The following MOB4 variants were observed in gnomAD, a reference collection of about 807,000 sequenced individuals.
MOB4 encodes the protein MOB family member 4, phocein.
A neutral mutation model predicts 32.2 loss-of-function variants in MOB4; 4 were observed. That is an observed-to-expected ratio of 0.12 (90% confidence interval 0.06 to 0.28). MOB4 has a LOEUF of 0.28. Ranked by LOEUF, MOB4 falls within the 10% of genes least tolerant of loss-of-function variation. The pLI is 1.00. For missense variants in MOB4, 158 were observed against 271.2 expected, an observed-to-expected ratio of 0.58 and a Z score of 2.93; for synonymous variants, 88 against 88.1, an observed-to-expected ratio of 1.00 and a Z score of 0.01.
chr2:197,517,346 A>G (rs2086432757), intron 1 of MOB4, among the ~76,000 whole-genome samples: 1 of 152,200 alleles, frequency 6.6e-6, no homozygotes, highest in South Asian at 2.1e-4. Context: ...AGTTATTCCT[A>G]CTGACAGTTT....
At chr2:197,540,976 G>A (rs558058394) in intron 5 of MOB4, among the ~76,000 whole-genome samples, 9 of 151,008 alleles carry the variant, frequency 6.0e-5, no homozygotes, top group Middle Eastern at 3.4e-3. Flanking sequence ...ATCTCGGTTC[G>A]CTGCAACCTC....
chr2:197,540,423 A>G lies in MOB4; in HGVS notation c.340A>G (p.Lys114Glu). ...EQWIFLCAAH[K>E]TPKECPAIDY... is the part of the protein sequence containing the mutation. ...ATGGATTTTTCTTTGTGCAGCTCAT[A>G]AAACTCCAAAAGAGGTGAGGATTTA... The change falls in exon 5 of 8, where the codon AAA becomes GAA. Residue 114 changes from lysine to glutamate, a missense_variant. Transcript: ENST00000323303. 1 of 1,587,176 alleles carries G rather than the reference A, an allele frequency of 6.3e-7. No individual in the cohort carries two copies. Among genetic ancestry groups the G allele is most frequent in the Non-Finnish European group, 8.5e-7 (1 of 1,171,022 alleles).
chr2:197,519,010 G>A (rs2086467643), intron 1 of MOB4, among the ~76,000 whole-genome samples: 3 of 151,666 alleles, frequency 2.0e-5, no homozygotes, highest in Admixed American at 6.6e-5. Context: ...CGCCCGTCTC[G>A]GCCTCTGAAA....
Position 197,520,324 on chromosome 2 carries a change from A to G in MOB4, c.61-3300A>G, listed in dbSNP as rs541608954. ...TGGCTAATTTTTTGTATTTTTTCAT[A>G]GAGATGGGGTTTCACCGTGTTAGCC... On this transcript the variant is annotated intron_variant, in intron 1 of 7. Transcript: ENST00000323303. 4.6e-5 allele frequency among the ~76,000 whole-genome samples: 7 copies of G among 151,796 alleles called. No individual in the cohort carries two copies. In the South Asian group the frequency reaches 1.0e-3, roughly 23 times the overall value.
intron 6 of MOB4, 91 bp from the exon 7 acceptor site, chr2:197,550,184 A>C: frequency 1.7e-6 from 2 of 1,209,954 alleles, no homozygotes; most frequent in South Asian, 3.6e-5. Context: ...CCTAGGTGTC[A>C]GTTTCTACAC....
At chr2:197,519,046 C>T (rs2086468372) in intron 1 of MOB4, among the ~76,000 whole-genome samples, 1 of 151,606 alleles carries the variant, frequency 6.6e-6, no homozygotes, top group South Asian at 2.1e-4. Flanking sequence ...GCATGAGCCA[C>T]TGCGCCCAGC....
intron 2 of MOB4, among the ~76,000 whole-genome samples, chr2:197,526,776 G>T (rs764099772): frequency 5.1e-4 from 77 of 152,072 alleles, no homozygotes; most frequent in African/African-American, 2.2e-4. Flanking sequence ...TTATTGAATG[G>T]TCTCAGCAGC....
chr2:197,542,888 C>T lies in MOB4; in HGVS notation c.354+2451C>T, dbSNP rs574512718. 1.6e-4 allele frequency among the ~76,000 whole-genome samples: 25 copies of T among 152,188 alleles called. No homozygotes were observed. The South Asian group carries it at 4.8e-3, about 29-fold the overall frequency. ...CAAAATGTCATCCAAATTAAAAATTCAGAAACCAGTTAAAGGTCTAAAGAT... is the reference window on the plus strand; with the variant it reads ...CAAAATGTCATCCAAATTAAAAATTTAGAAACCAGTTAAAGGTCTAAAGAT... On this transcript the variant is annotated intron_variant, in intron 5 of 7. Transcript: ENST00000323303.
At chr2:197,548,793 A>G (rs937368938) in intron 6 of MOB4, among the ~76,000 whole-genome samples, 1 of 152,140 alleles carries the variant, frequency 6.6e-6, no homozygotes, top group African/African-American at 2.4e-5. Context: ...AGGCCAGTTC[A>G]GTCTAAGGCT....
intron 2 of MOB4, among the ~76,000 whole-genome samples, chr2:197,524,638 G>A (rs1326367612): frequency 1.3e-5 from 2 of 152,044 alleles, no homozygotes; most frequent in Non-Finnish European, 2.9e-5. Flanking sequence ...TTAGGCATTG[G>A]TTAAATTTTT....
intron 5 of MOB4, among the ~76,000 whole-genome samples, chr2:197,548,062 C>G (rs1240007055): frequency 6.6e-6 from 1 of 152,032 alleles, no homozygotes; most frequent in Non-Finnish European, 1.5e-5. Context: ...CAGGATTCTT[C>G]TTGTCTGTAA....
intron 2 of MOB4, among the ~76,000 whole-genome samples, chr2:197,532,577 T>G (rs2086724286): frequency 6.6e-6 from 1 of 152,090 alleles, no homozygotes; most frequent in South Asian, 2.1e-4. Flanking sequence ...TCCCAGCTAC[T>G]TGGGAGGCTG....
intron 3 of MOB4, among the ~76,000 whole-genome samples, chr2:197,537,992 A>C (rs1194328453): frequency 6.6e-6 from 1 of 152,116 alleles, no homozygotes; most frequent in South Asian, 2.1e-4. Flanking sequence ...GTTGGTCAGG[A>C]TGGTCTTGAT....
At chr2:197,536,546 A>C (rs1338124680) in intron 3 of MOB4, among the ~76,000 whole-genome samples, 1 of 148,232 alleles carries the variant, frequency 6.7e-6, no homozygotes, top group Non-Finnish European at 1.5e-5. Context: ...TTAACCGCTA[A>C]TATAGTATTT....
upstream of MOB4, chr2:197,515,803 G>T: frequency 2.0e-6 from 1 of 500,614 alleles, no homozygotes; most frequent in Non-Finnish European, 3.5e-6. Flanking sequence ...CTGCGATCAC[G>T]ACCTTTCAAA....
rs912787386 is a variant in MOB4 at position 197,552,983 on chromosome 2, A to G, written c.*2337A>G. ...CTTTTTCTCCTATCACATCTGGGAA[A>G]GTAGCTAACTTTTAACTATTTATGT... On this transcript the variant is annotated 3_prime_UTR_variant, in exon 8 of 8. Coordinates refer to ENST00000323303, the MANE Select transcript of MOB4 (RefSeq NM_015387.5). 8 of 152,226 alleles carry G rather than the reference A, an allele frequency of 5.3e-5. No homozygotes were observed. Among genetic ancestry groups the G allele is most frequent in the African/African-American group, 1.9e-4 (8 of 41,466 alleles). 9.4% of individuals were successfully genotyped at this position (152,226 alleles called of 1,614,324 possible). A position where few individuals can be genotyped will look rare whatever the true frequency, so the allele number is the denominator to read the frequency against.
At chr2:197,541,792 G>T (rs1048330829) in intron 5 of MOB4, among the ~76,000 whole-genome samples, 2 of 151,244 alleles carry the variant, frequency 1.3e-5, no homozygotes, top group Admixed American at 1.3e-4. Flanking sequence ...AGTGGCGGGC[G>T]CCTGTAGTCC....
At chr2:197,527,569 C>A (rs2086631080) in intron 2 of MOB4, among the ~76,000 whole-genome samples, 1 of 152,138 alleles carries the variant, frequency 6.6e-6, no homozygotes, top group Admixed American at 6.5e-5. Flanking sequence ...TATATAGGAT[C>A]ATGTCATTTG....
chr2:197,524,530 CAAA>C (rs58552334), intron 2 of MOB4, among the ~76,000 whole-genome samples: 1 of 108,966 alleles, frequency 9.2e-6, no homozygotes, highest in Non-Finnish European at 1.9e-5. Flanking sequence ...GACTCTGTCT[CAAA>C]AAAAAAAAAA....
Sources: gnomAD v4.1 joint callset for allele counts (sites outside exome capture counted in the v4.1 genomes callset) on GRCh38, gnomAD v4.1.1 for gene constraint, MANE v1.5 for transcripts, NCBI Gene and HGNC (gene_info 2026-07-23, HGNC 2026-07-21) for gene names.